The following PTPRQ variants were observed in gnomAD, a reference collection of about 807,000 sequenced individuals.
PTPRQ encodes protein tyrosine phosphatase receptor type Q.
Under a neutral mutation model 246.0 loss-of-function variants are expected in PTPRQ, and 199 were observed. The observed-to-expected ratio is 0.81, with a 90% CI of 0.72 to 0.91. PTPRQ has a LOEUF of 0.91. Among genes scored for constraint, PTPRQ ranks in the 40% least tolerant of loss-of-function variants. The pLI is 0.00. For synonymous variants in PTPRQ, 869 were observed against 853.2 expected (o/e 1.02, Z -0.32); for missense variants, 2,624 against 2,528.4 (o/e 1.04, Z -0.81).
At position 80,616,691 on chromosome 12, in the gene PTPRQ, T is replaced by A. The variant is rs372562695; in HGVS notation, c.5230+425T>A. On this transcript the variant is annotated intron_variant, in intron 30 of 44. Transcript: ENST00000644991. ...GAGATTCTTTCAGTTAATTAAATAG[T>A]GTTTTTTGAACTACCATGTAGGTTG... Among the ~76,000 whole-genome samples the A allele has an allele frequency of 4.2e-4, 63 of 151,324 alleles. 1 individual carries two copies. In the South Asian group the frequency reaches 0.012, roughly 30 times the overall value.
At chr12:80,633,000 G>A (rs1046439263) in intron 34 of PTPRQ, among the ~76,000 whole-genome samples, 1 of 152,118 alleles carries the variant, frequency 6.6e-6, no homozygotes, top group Non-Finnish European at 1.5e-5. Context: ...GATCCCACAA[G>A]GGCAGTGTTT....
At position 80,540,925 on chromosome 12, in the gene PTPRQ, G is replaced by A. The variant is rs1374399477; in HGVS notation, c.3155-630G>A. On this transcript the variant is annotated intron_variant, in intron 20 of 44. Coordinates refer to ENST00000644991, the MANE Select transcript of PTPRQ (RefSeq NM_001145026.2). ...TAAGCACTTACTATGCACTACTCCA[G>A]GTGGATGTCAAATTTACGTTAATAG... is the stretch of plus-strand genomic sequence containing the variant. Among the ~76,000 whole-genome samples the A allele has an allele frequency of 3.3e-5, 5 of 152,152 alleles. No individual in the cohort carries two copies. In the East Asian group the frequency reaches 9.7e-4, roughly 29 times the overall value.
At chr12:80,555,525 C>G (rs1349329629) in intron 25 of PTPRQ, among the ~76,000 whole-genome samples, 6 of 152,156 alleles carry the variant, frequency 3.9e-5, no homozygotes, top group Admixed American at 3.9e-4. Flanking sequence ...ACTTACATAG[C>G]TTTCCTCATC....
chr12:80,613,726 G>C lies in PTPRQ; in HGVS notation c.5053G>C (p.Asp1685His). Residue 1685 changes from aspartate (D) to histidine (H), a missense_variant, in exon 29 of 45, where the codon GAT (aspartate) becomes CAT (histidine). Asp to His is a moderately conservative substitution (Grantham distance 81). Transcript: ENST00000644991. Reference sequence around the variant, plus strand: ...ATATCAAGCTCTGGTTTACCGAGAAGATGATCCTACTGCTGTCCAGATTCA... The same window carrying C: ...ATATCAAGCTCTGGTTTACCGAGAACATGATCCTACTGCTGTCCAGATTCA... ...QVYQALVYRE[D>H]DPTAVQIHNL... The C allele has an allele frequency of 6.5e-7, 1 of 1,546,152 alleles. No homozygotes were observed. The highest frequency in any genetic ancestry group is 2.5e-5 in the East Asian group (1 of 40,728).
chr12:80,522,317 A>G (rs1162505196), intron 17 of PTPRQ, among the ~76,000 whole-genome samples: 2 of 152,188 alleles, frequency 1.3e-5, no homozygotes, highest in African/African-American at 4.8e-5. Flanking sequence ...AACAGGGACA[A>G]TTTGACTTCC....
At chr12:80,670,293 A>G in intron 41 of PTPRQ, 51 bp from the exon 42 acceptor site, 1 of 1,541,638 alleles carries the variant, frequency 6.5e-7, no homozygotes, top group Non-Finnish European at 8.7e-7. Context: ...TTCAACCTTC[A>G]TTGTGGAACT....
intron 33 of PTPRQ, among the ~76,000 whole-genome samples, chr12:80,631,103 C>T (rs1419102200): frequency 6.6e-6 from 1 of 152,108 alleles, no homozygotes; most frequent in Non-Finnish European, 1.5e-5. Flanking sequence ...TTAACTAGGG[C>T]TATTTTTAAA....
intron 14 of PTPRQ, among the ~76,000 whole-genome samples, chr12:80,499,248 C>T (rs73145172): frequency 0.06 from 9,164 of 152,030 alleles, 318 homozygotes; most frequent in East Asian, 0.11. Context: ...GCCTAACAAT[C>T]AGAGTATAGG....
rs1277826147 is a variant in PTPRQ, at chr12:80,506,030, A to T, written c.2279A>T (p.Asp760Val). The part of the protein sequence containing the change: ...LSVRTSETVP[D>V]SAPENITYKN... ...ATATTTTTGTTTCTTTCAGTGCCTGATAGTGCACCAGAAAATATCACTTAC... is the reference window on the plus strand; with the variant it reads ...ATATTTTTGTTTCTTTCAGTGCCTGTTAGTGCACCAGAAAATATCACTTAC... Residue 760 changes from aspartate to valine, a missense_variant, in exon 15 of 45, where the codon GAT becomes GTT. By Grantham distance (152) the Asp-to-Val change is radical (BLOSUM62 -3). Coordinates refer to ENST00000644991, the MANE Select transcript of PTPRQ (RefSeq NM_001145026.2). 2.6e-6 allele frequency: 4 copies of T among 1,544,168 alleles called. No homozygotes were observed. Among genetic ancestry groups the T allele is most frequent in the Non-Finnish European group, 3.5e-6 (4 of 1,144,186 alleles).
intron 26 of PTPRQ, among the ~76,000 whole-genome samples, chr12:80,590,989 G>C (rs1300446006): frequency 6.6e-6 from 1 of 151,946 alleles, no homozygotes; most frequent in Non-Finnish European, 1.5e-5. Context: ...TGATCAGAAT[G>C]AATTTCCCTG....
intron 35 of PTPRQ, among the ~76,000 whole-genome samples, chr12:80,640,331 T>G (rs1352471902): frequency 6.6e-6 from 1 of 152,200 alleles, no homozygotes; most frequent in East Asian, 1.9e-4. Context: ...GACTGATATA[T>G]GAAATTCTAA....
chr12:80,490,348 GT>G (rs761500273), intron 9 of PTPRQ, among the ~76,000 whole-genome samples: 25 of 151,920 alleles, frequency 1.6e-4, no homozygotes, highest in Admixed American at 6.6e-5. Flanking sequence ...ATGTGATAGG[GT>G]TTTTTAGAAA....
chr12:80,618,360 T>TCACACACA (rs3071377), intron 30 of PTPRQ, among the ~76,000 whole-genome samples: 246 of 125,626 alleles, frequency 2.0e-3, no homozygotes, highest in African/African-American at 4.8e-3. Context: ...AGCACTACAT[T>TCACACACA]CACACACACA....
At chr12:80,496,647 T>C (rs1377548582) in intron 14 of PTPRQ, 116 bp downstream of exon 14, 4 of 1,296,244 alleles carry the variant, frequency 3.1e-6, no homozygotes, top group African/African-American at 3.1e-5. Flanking sequence ...TATTTTGTTT[T>C]ATATAATCCA....
intron 16 of PTPRQ, among the ~76,000 whole-genome samples, chr12:80,509,172 A>C (rs1480352331): frequency 6.6e-6 from 1 of 152,074 alleles, no homozygotes; most frequent in East Asian, 1.9e-4. Flanking sequence ...AAAATACCAA[A>C]TACAGCTATC....
intron 36 of PTPRQ, 93 bp downstream of exon 36, chr12:80,649,016 ATGTT>A: frequency 8.0e-7 from 1 of 1,252,268 alleles, no homozygotes; most frequent in Non-Finnish European, 1.1e-6. Flanking sequence ...CACTTTTTGT[ATGTT>A]TGTTGGAAAA....
chr12:80,520,720 G>C (rs1041616993), intron 17 of PTPRQ, among the ~76,000 whole-genome samples: 7 of 151,470 alleles, frequency 4.6e-5, no homozygotes, highest in African/African-American at 1.5e-4. Flanking sequence ...ATAGTATTCC[G>C]TGGTGTATAT....
At chr12:80,654,007 CTTTCTTTCTTTT>C (rs1312511665) in intron 38 of PTPRQ, among the ~76,000 whole-genome samples, 3 of 151,236 alleles carry the variant, frequency 2.0e-5, no homozygotes, top group African/African-American at 7.4e-5. Flanking sequence ...ATTTCTTTTT[CTTTCTTTCTTTT>C]TTTCTTTCTT....
chr12:80,464,041 A>G (rs1274521117), intron 6 of PTPRQ, among the ~76,000 whole-genome samples: 1 of 152,058 alleles, frequency 6.6e-6, no homozygotes, highest in African/African-American at 2.4e-5. Context: ...ATGTAAATGG[A>G]CTAAATGCTC....
Sources: allele counts gnomAD v4.1 joint callset (sites outside exome capture counted in the v4.1 genomes callset), GRCh38; gene constraint gnomAD v4.1.1; transcripts MANE v1.5; gene names NCBI Gene and HGNC (gene_info 2026-07-23, HGNC 2026-07-21).